The following ST18 variants were observed in gnomAD, a reference collection of about 807,000 sequenced individuals.
ST18 encodes suppression of tumorigenicity 18 protein.
ST18 carries 50 observed loss-of-function variants against 110.0 expected under a neutral mutation model. That is an observed-to-expected ratio of 0.45 (90% CI 0.36 to 0.58). ST18 has a LOEUF of 0.58. ST18 is among the 20% of genes least tolerant of loss of function. ST18 has a pLI of 0.00. For missense variants in ST18, 1,306 were observed against 1,280.1 expected, an observed-to-expected ratio of 1.02 and a Z score of -0.31; for synonymous variants, 461 against 452.4, an observed-to-expected ratio of 1.02 and a Z score of -0.24.
intron 2 of ST18, among the ~76,000 whole-genome samples, chr8:52,381,719 T>C (rs1374009256): frequency 6.6e-6 from 1 of 152,192 alleles, no homozygotes; most frequent in African/African-American, 2.4e-5. Flanking sequence ...CAATTAATAC[T>C]GAGCACTGAG....
Position 52,122,775 on chromosome 8 carries a change from C to T in ST18, c.2755+3277G>A, listed in dbSNP as rs147508737. Among the ~76,000 whole-genome samples the T allele has an allele frequency of 8.6e-4, 131 of 152,186 alleles. 2 individuals carry two copies. In the East Asian group the frequency reaches 0.015, roughly 18 times the overall value. On this transcript the variant is annotated intron_variant, in intron 23 of 25. Coordinates refer to ENST00000689386, the MANE Select transcript of ST18 (RefSeq NM_001352837.2). ...GTTCTGGGATTAAGGCATGAGCCAC[C>T]GTGCCCGGCCGAACTTTTATTTTTA... is the stretch of plus-strand genomic sequence containing the variant.
intron 2 of ST18, among the ~76,000 whole-genome samples, chr8:52,321,925 C>T (rs1016789524): frequency 1.3e-5 from 2 of 152,196 alleles, no homozygotes; most frequent in African/African-American, 4.8e-5. Flanking sequence ...CAGAACATCT[C>T]TATCACCTCC....
chr8:52,336,095 T>C (rs1421354595), intron 2 of ST18, among the ~76,000 whole-genome samples: 1 of 152,152 alleles, frequency 6.6e-6, no homozygotes, highest in Non-Finnish European at 1.5e-5. Context: ...TAAACAGAAA[T>C]GCAGTGGATG....
chr8:52,399,917 T>C (rs1564658357), intron 2 of ST18, among the ~76,000 whole-genome samples: 1 of 152,088 alleles, frequency 6.6e-6, no homozygotes, highest in Non-Finnish European at 1.5e-5. Flanking sequence ...ATATGTCTGT[T>C]AGGTCCATTT....
intron 17 of ST18, among the ~76,000 whole-genome samples, chr8:52,140,750 T>C (rs972082833): frequency 6.6e-6 from 1 of 152,170 alleles, no homozygotes; most frequent in Non-Finnish European, 1.5e-5. Context: ...ATAATCATGC[T>C]TCATTTTTCT....
intron 2 of ST18, among the ~76,000 whole-genome samples, chr8:52,398,738 A>G (rs547773179): frequency 5.3e-5 from 8 of 152,238 alleles, no homozygotes; most frequent in African/African-American, 1.9e-4. Context: ...TGCCAATGTG[A>G]TGTATCACAT....
chr8:52,257,247 T>G (rs1412538058), intron 2 of ST18, among the ~76,000 whole-genome samples: 1 of 152,242 alleles, frequency 6.6e-6, no homozygotes, highest in Non-Finnish European at 1.5e-5. Context: ...TAAACATTCA[T>G]GTACAAGTGT....
At chr8:52,276,325 G>A (rs938509545) in intron 2 of ST18, among the ~76,000 whole-genome samples, 3 of 138,750 alleles carry the variant, frequency 2.2e-5, no homozygotes, top group Non-Finnish European at 1.6e-5. Context: ...CAAACACACC[G>A]CACCTCACAC....
chr8:52,202,086 G>A (rs1247254665), intron 8 of ST18, among the ~76,000 whole-genome samples: 4 of 152,184 alleles, frequency 2.6e-5, no homozygotes, highest in Non-Finnish European at 5.9e-5. Flanking sequence ...TGTTATGCGG[G>A]TAGGGCTCAG....
Position 52,159,045 on chromosome 8 carries a change from C to G in ST18, c.1659G>C (p.Gln553His). Residue 553 changes from glutamine to histidine, a missense_variant, in exon 15 of 26, where the codon CAG becomes CAC. Coordinates refer to ENST00000689386, the MANE Select transcript of ST18 (RefSeq NM_001352837.2). ...TATAAGAGCTGGCACGGCCAGGGCT[C>G]TGGGTGTGGGCGCCTGCACTAGGCA... ...NRLPSAGAHT[Q>H]SPGRASSYSY... The G allele has an allele frequency of 6.2e-7, 1 of 1,614,134 alleles. No homozygotes were observed. The highest frequency in any genetic ancestry group is 1.1e-5 in the South Asian group (1 of 91,068).
chr8:52,215,613 T>C (rs2083889361), intron 6 of ST18, among the ~76,000 whole-genome samples: 1 of 152,246 alleles, frequency 6.6e-6, no homozygotes, highest in South Asian at 2.1e-4. Context: ...TCACTGCCTT[T>C]GCTGAACAGC....
chr8:52,311,192 C>A (rs1007250546), intron 2 of ST18, among the ~76,000 whole-genome samples: 2 of 152,170 alleles, frequency 1.3e-5, no homozygotes, highest in Non-Finnish European at 2.9e-5. Flanking sequence ...TCAGGGGCTA[C>A]CTTGTGGGCA....
Position 52,162,565 on chromosome 8 carries a change from G to A in ST18, c.1401-997C>T, listed in dbSNP as rs1243520594. Among the ~76,000 whole-genome samples the A allele has an allele frequency of 1.1e-4, 16 of 152,150 alleles. No individual in the cohort carries two copies. In the East Asian group the frequency reaches 1.7e-3, roughly 17 times the overall value. Reference sequence around the variant, plus strand: ...ACTTCAATATTTTATCGATTGAATTGCCATCATCTCAATATGAATCAAAAT... The same window carrying A: ...ACTTCAATATTTTATCGATTGAATTACCATCATCTCAATATGAATCAAAAT... On this transcript the variant is annotated intron_variant, in intron 13 of 25. Coordinates refer to ENST00000689386, the MANE Select transcript of ST18 (RefSeq NM_001352837.2).
chr8:52,224,729 G>A (rs1478655225), intron 3 of ST18, among the ~76,000 whole-genome samples: 2 of 152,212 alleles, frequency 1.3e-5, no homozygotes, highest in Non-Finnish European at 2.9e-5. Flanking sequence ...TTTGATATTA[G>A]CAAACAGACT....
intron 19 of ST18, among the ~76,000 whole-genome samples, chr8:52,135,562 C>T (rs1187913323): frequency 1.7e-5 from 2 of 114,704 alleles, no homozygotes; most frequent in Non-Finnish European, 3.4e-5. Flanking sequence ...GACCGAAACT[C>T]CATCTCAAAA....
At chr8:52,143,979 C>G (rs1381338987) in intron 16 of ST18, among the ~76,000 whole-genome samples, 2 of 151,996 alleles carry the variant, frequency 1.3e-5, no homozygotes, top group Non-Finnish European at 2.9e-5. Context: ...ACTTCTTTTG[C>G]TAAATGGGTA....
At chr8:52,249,438 G>T (rs2094120264) in intron 2 of ST18, 1 of 152,274 alleles carries the variant, frequency 6.6e-6, no homozygotes, top group Admixed American at 6.6e-5. Flanking sequence ...GGTGGGCTAG[G>T]TTAGTCCAGT....
intron 25 of ST18, among the ~76,000 whole-genome samples, chr8:52,115,652 G>C (rs112215168): frequency 3.9e-5 from 6 of 152,244 alleles, no homozygotes; most frequent in African/African-American, 1.2e-4. Context: ...AAAGTTCACT[G>C]TATGATGTTC....
At chr8:52,306,053 G>C (rs1450487628) in intron 2 of ST18, among the ~76,000 whole-genome samples, 1 of 152,058 alleles carries the variant, frequency 6.6e-6, no homozygotes, top group Admixed American at 6.5e-5. Context: ...CTCCCCACTC[G>C]GCCACATTGG....
Sources: gnomAD v4.1 joint callset for allele counts (sites outside exome capture counted in the v4.1 genomes callset) on GRCh38, gnomAD v4.1.1 for gene constraint, MANE v1.5 for transcripts, NCBI Gene and HGNC (gene_info 2026-07-23, HGNC 2026-07-21) for gene names.